Variants in MTARC2 observed in about 807,000 individuals in gnomAD.
The protein encoded by MTARC2 is mitochondrial amidoxime reducing component 2.
Under a neutral mutation model 35.6 loss-of-function variants are expected in MTARC2, and 27 were observed. That is an observed-to-expected ratio of 0.76 (90% confidence interval 0.56 to 1.04). The LOEUF (loss-of-function observed/expected upper bound fraction) is 1.04. Ranked by LOEUF, MTARC2 falls within the 50% of genes least tolerant of loss-of-function variation. The probability of loss-of-function intolerance (pLI) is 0.00; values close to 1 mark genes in which losing one functional copy is unlikely to be tolerated. For missense variants in MTARC2, 412 were observed against 432.5 expected (o/e 0.95, Z 0.42); for synonymous variants, 158 against 167.1 (o/e 0.95, Z 0.42).
chr1:220,748,858 G>T (rs558666626), intron 1 of MTARC2, 55 bp downstream of exon 1: 19 of 1,493,060 alleles, frequency 1.3e-5, no homozygotes, highest in East Asian at 2.8e-5. Context: ...ATGAGGAGCG[G>T]GGGGGCAGGT....
In MTARC2 at chr1:220,748,603, G is replaced by C. The variant is rs337188; in HGVS notation, c.72G>C (p.Gly24=). Reference sequence around the variant, plus strand: ...CCCGGCCCTGGCCCAGGTGGCTCGGGGTCGCCGCGCTAGGACTGGCCGCCG... The same window carrying C: ...CCCGGCCCTGGCCCAGGTGGCTCGGCGTCGCCGCGCTAGGACTGGCCGCCG... ...LPARPWPRWL[G]VAALGLAAVA... Residue 24 remains glycine (G), a synonymous_variant, in exon 1 of 8, where the codon GGG becomes GGC. Transcript: ENST00000366913. The C allele has an allele frequency of 0.14, 210,680 of 1,453,328 alleles. 16,715 individuals are homozygous for C. The highest frequency in any genetic ancestry group is 0.28 in the Admixed American group (9,770 of 34,284). 90.0% of individuals were successfully genotyped at this position (1,453,328 alleles called of 1,614,324 possible).
chr1:220,758,655 A>G (rs337144), intron 2 of MTARC2, among the ~76,000 whole-genome samples: 6,805 of 152,026 alleles, frequency 0.045, 401 homozygotes, highest in African/African-American at 0.13. Flanking sequence ...CTGACCTCAA[A>G]GTATCCACCT....
At chr1:220,748,881 A>G (rs574243102) in intron 1 of MTARC2, 78 bp downstream of exon 1, 17 of 1,444,956 alleles carry the variant, frequency 1.2e-5, no homozygotes, top group Middle Eastern at 4.6e-4. Context: ...GGCCCGATCT[A>G]TCTGGGAAGG....
chr1:220,748,722 C>G lies in MTARC2; in HGVS notation c.191C>G (p.Pro64Arg), dbSNP rs757404760. 1 of 1,599,640 alleles carries G rather than the reference C, an allele frequency of 6.3e-7. No homozygotes were observed. The highest frequency in any genetic ancestry group is 1.1e-5 in the South Asian group (1 of 89,108). The part of the protein sequence containing the change: ...VGTVAKLWIY[P>R]VKSCKGVPVS... ...ACCGTGGCGAAGCTCTGGATCTACCCGGTGAAATCCTGCAAAGGGGTGCCG... is the reference window on the plus strand; with the variant it reads ...ACCGTGGCGAAGCTCTGGATCTACCGGGTGAAATCCTGCAAAGGGGTGCCG... The change falls in exon 1 of 8, where the codon CCG becomes CGG. Residue 64 changes from proline to arginine, a missense_variant. By Grantham distance (103) the Pro-to-Arg change is moderately radical. Coordinates refer to ENST00000366913, the MANE Select transcript of MTARC2 (RefSeq NM_017898.5).
At chr1:220,764,638 A>G (rs1295700769) in intron 4 of MTARC2, among the ~76,000 whole-genome samples, 1 of 151,952 alleles carries the variant, frequency 6.6e-6, no homozygotes, top group Non-Finnish European at 1.5e-5. Flanking sequence ...AGAATATAAT[A>G]ATTAGCCAGG....
chr1:220,780,719 C>T (rs1490565662), intron 6 of MTARC2, among the ~76,000 whole-genome samples: 1 of 152,130 alleles, frequency 6.6e-6, no homozygotes, highest in Non-Finnish European at 1.5e-5. Context: ...GCTGGGATTA[C>T]AGGCATGAGC....
chr1:220,762,604 C>T (rs984290439), intron 3 of MTARC2, among the ~76,000 whole-genome samples: 3 of 152,100 alleles, frequency 2.0e-5, no homozygotes, highest in African/African-American at 7.2e-5. Flanking sequence ...AGCAGGTCCT[C>T]GCTGTTTGAG....
At chr1:220,766,978 CAA>C (rs60167839) in intron 4 of MTARC2, among the ~76,000 whole-genome samples, 24 of 127,516 alleles carry the variant, frequency 1.9e-4, no homozygotes, top group East Asian at 4.1e-4. Flanking sequence ...CCCACCTCTA[CAA>C]AAAAAAAAAA....
intron 4 of MTARC2, among the ~76,000 whole-genome samples, chr1:220,771,825 A>G (rs1671752326): frequency 6.6e-6 from 1 of 152,106 alleles, no homozygotes; most frequent in Admixed American, 6.5e-5. Context: ...AACCTAGATG[A>G]TGGGTTAACA....
chr1:220,772,683 G>GGTGTATGTGTGTGTGTTTGTGT lies in MTARC2; in HGVS notation c.751-7331_751-7330insATGTGTGTGTGTTTGTGTGTGT, dbSNP rs774757503. On this transcript the variant is annotated intron_variant, in intron 4 of 7. Transcript: ENST00000366913. ...AGTGAGAAAGAGGCACTCTGGGCAG[G>GGTGTATGTGTGTGTGTTTGTGT]GTGTGTGTGTGTGTGTTTGTGTGTG... 1.8e-3 allele frequency among the ~76,000 whole-genome samples: 261 copies of GGTGTATGTGTGTGTGTTTGTGT among 147,994 alleles called. 3 individuals are homozygous for GGTGTATGTGTGTGTGTTTGTGT. The East Asian group carries it at 0.045, about 26-fold the overall frequency.
At chr1:220,780,386 A>T in intron 6 of MTARC2, 147 bp downstream of exon 6, 1 of 618,104 alleles carries the variant, frequency 1.6e-6, no homozygotes, top group Non-Finnish European at 2.7e-6. Flanking sequence ...ATTCGCGTCT[A>T]TTGGTTAATG....
At chr1:220,752,427 T>C (rs549217446) in intron 1 of MTARC2, among the ~76,000 whole-genome samples, 1 of 152,304 alleles carries the variant, frequency 6.6e-6, no homozygotes, top group Non-Finnish European at 1.5e-5. Context: ...GGCCCAGCCC[T>C]GTGAGGCATC....
At chr1:220,781,467 TG>T (rs1672068387) in intron 6 of MTARC2, among the ~76,000 whole-genome samples, 1 of 152,230 alleles carries the variant, frequency 6.6e-6, no homozygotes, top group Admixed American at 6.5e-5. Context: ...TAGGGGCATT[TG>T]TTTCAATGAG....
chr1:220,761,998 G>A (rs775942121), intron 3 of MTARC2, among the ~76,000 whole-genome samples, 178 bp downstream of exon 3: 4 of 152,140 alleles, frequency 2.6e-5, no homozygotes, highest in Non-Finnish European at 5.9e-5. Context: ...AAAAGAAGGT[G>A]GATATGAGAG....
intron 6 of MTARC2, 139 bp from the exon 7 acceptor site, chr1:220,781,639 C>T: frequency 1.2e-6 from 1 of 821,220 alleles, no homozygotes. Context: ...TAATTGTCCA[C>T]AGACTTCTCT....
In MTARC2 at chr1:220,757,386, G is replaced by A. The variant is rs77108257; in HGVS notation, c.446+2266G>A. On this transcript the variant is annotated intron_variant, in intron 2 of 7. Transcript: ENST00000366913. ...GGTTAGACATGCTGTAACTAGTTCA[G>A]CCTGTATTTATAAGCTATTTTTAAT... is the stretch of plus-strand genomic sequence containing the variant. Among the ~76,000 whole-genome samples the A allele has an allele frequency of 2.6e-5, 4 of 152,352 alleles. No homozygotes were observed. In the East Asian group the frequency reaches 7.7e-4, roughly 29 times the overall value.
intron 4 of MTARC2, among the ~76,000 whole-genome samples, chr1:220,769,971 A>G (rs917220312): frequency 3.5e-5 from 5 of 141,912 alleles, no homozygotes; most frequent in South Asian, 2.3e-4. Flanking sequence ...AGCGGGCGTG[A>G]TGGCGGGCGA....
intron 4 of MTARC2, among the ~76,000 whole-genome samples, chr1:220,778,761 G>A (rs112199369): frequency 7.7e-4 from 117 of 152,272 alleles, no homozygotes; most frequent in South Asian, 2.9e-3. Flanking sequence ...CTGCCCTTCC[G>A]TTTCTTAAAA....
At position 220,762,898 on chromosome 1, in the gene MTARC2, G is replaced by C; in HGVS notation, c.610-12G>C. The C allele has an allele frequency of 6.2e-7, 1 of 1,613,996 alleles. No homozygotes were observed. The highest frequency in any genetic ancestry group is 8.5e-7 in the Non-Finnish European group (1 of 1,179,964). On this transcript the variant is annotated splice_polypyrimidine_tract_variant and intron_variant, in intron 3 of 7. Coordinates refer to ENST00000366913, the MANE Select transcript of MTARC2 (RefSeq NM_017898.5). ...GAGTGGTGGGGCCTGACTATCCTGT[G>C]TTCTTGGCAAGGTGGCCTACCCAGA...
Sources: gnomAD v4.1 joint callset for allele counts (sites outside exome capture counted in the v4.1 genomes callset) on GRCh38, gnomAD v4.1.1 for gene constraint, MANE v1.5 for transcripts, NCBI Gene and HGNC (gene_info 2026-07-23, HGNC 2026-07-21) for gene names.